Variants in FSTL4 observed in about 807,000 individuals in gnomAD.
FSTL4 encodes the protein follistatin-related protein 4.
FSTL4 carries 28 observed loss-of-function variants against 78.2 expected under a neutral mutation model. The observed-to-expected ratio is 0.36, with a 90% confidence interval of 0.27 to 0.49. The LOEUF (loss-of-function observed/expected upper bound fraction) is 0.49. FSTL4 is among the 20% of genes least tolerant of loss of function. FSTL4 has a pLI of 0.98. For missense variants in FSTL4, 922 were observed against 1,084.9 expected (o/e 0.85, Z 2.11); for synonymous variants, 422 against 440.5 (o/e 0.96, Z 0.53).
chr5:133,481,995 C>T (rs1758037708), intron 3 of FSTL4, among the ~76,000 whole-genome samples: 1 of 152,200 alleles, frequency 6.6e-6, no homozygotes, highest in African/African-American at 2.4e-5. Context: ...AGGAAGCTGC[C>T]ACCAACATGG....
intron 11 of FSTL4, 79 bp downstream of exon 11, chr5:133,224,111 C>T: frequency 8.9e-7 from 1 of 1,122,934 alleles, no homozygotes; most frequent in South Asian, 1.4e-5. Flanking sequence ...AAGCTGGTGG[C>T]AGATCATGGA....
At chr5:133,627,684 T>C in the FSTL4 span, among the ~76,000 whole-genome samples, 1 of 152,320 alleles carries the variant, frequency 6.6e-6, no homozygotes, top group East Asian at 1.9e-4. Context: ...TGTTTTTTAA[T>C]CCATTCTGAA....
the FSTL4 span, among the ~76,000 whole-genome samples, chr5:133,791,069 C>A: frequency 3.9e-5 from 6 of 152,218 alleles, no homozygotes; most frequent in Admixed American, 6.5e-5. Flanking sequence ...TCTGCTGTAG[C>A]CACACTGCCT....
intron 6 of FSTL4, among the ~76,000 whole-genome samples, chr5:133,311,902 G>T (rs75361762): frequency 6.6e-6 from 1 of 152,156 alleles, no homozygotes; most frequent in African/African-American, 2.4e-5. Context: ...AGTCTCCAGC[G>T]TGGGCCCAGC....
Position 133,535,318 on chromosome 5 carries a change from C to T in FSTL4, c.160+31868G>A, listed in dbSNP as rs140592776. Among the ~76,000 whole-genome samples, 1,349 of 152,346 alleles carry T rather than the reference C, an allele frequency of 8.9e-3. 20 individuals are homozygous for T. Among genetic ancestry groups the T allele is most frequent in the African/African-American group, 0.031 (1,303 of 41,582 alleles). On this transcript the variant is annotated intron_variant, in intron 3 of 15. Transcript: ENST00000265342. ...TAAAAAAATCTCTGCAGCAATGTAA[C>T]ATGTCCATAATGGCCATAACGCCCA...
At chr5:133,274,644 C>T (rs987784059) in intron 6 of FSTL4, among the ~76,000 whole-genome samples, 22 of 152,086 alleles carry the variant, frequency 1.4e-4, no homozygotes, top group African/African-American at 5.3e-4. Context: ...TCAGACCGCC[C>T]ACGTGACCCA....
intron 3 of FSTL4, among the ~76,000 whole-genome samples, chr5:133,461,859 G>A (rs576485237): frequency 4.6e-5 from 7 of 152,228 alleles, no homozygotes; most frequent in African/African-American, 1.7e-4. Context: ...CGAGACCTAG[G>A]ATGTTTAAAT....
At chr5:133,695,009 C>T in the FSTL4 span, among the ~76,000 whole-genome samples, 10 of 152,236 alleles carry the variant, frequency 6.6e-5, no homozygotes, top group African/African-American at 2.4e-4. Flanking sequence ...GTCCATAATG[C>T]CTTGTTTTCA....
intron 2 of FSTL4, among the ~76,000 whole-genome samples, chr5:133,593,201 C>A (rs1247422929): frequency 6.6e-6 from 1 of 152,094 alleles, no homozygotes; most frequent in African/African-American, 2.4e-5. Flanking sequence ...CCCCTTTCTT[C>A]ACCCTCTTTC....
intron 3 of FSTL4, among the ~76,000 whole-genome samples, chr5:133,555,778 G>A (rs1759774051): frequency 6.6e-6 from 1 of 152,106 alleles, no homozygotes; most frequent in Admixed American, 6.5e-5. Flanking sequence ...CTGAGCCACA[G>A]GACTCCCATT....
chr5:133,370,206 G>A (rs1755263928), intron 4 of FSTL4, among the ~76,000 whole-genome samples: 1 of 152,184 alleles, frequency 6.6e-6, no homozygotes, highest in African/African-American at 2.4e-5. Context: ...CAGGGCAGAA[G>A]AGGAACATGA....
intron 6 of FSTL4, among the ~76,000 whole-genome samples, chr5:133,281,057 G>A (rs896875873): frequency 1.5e-4 from 23 of 152,204 alleles, no homozygotes; most frequent in African/African-American, 5.3e-4. Context: ...CACATGGAAC[G>A]TGCTGGGTAA....
the FSTL4 span, among the ~76,000 whole-genome samples, chr5:133,783,458 A>G: frequency 1.3e-5 from 2 of 152,232 alleles, no homozygotes; most frequent in South Asian, 2.1e-4. Context: ...AGCCTTATCT[A>G]TCAATAAATC....
rs375750367 is a variant in FSTL4 at position 133,225,858 on chromosome 5, C to T, written c.1016-39G>A. On this transcript the variant is annotated intron_variant, in intron 8 of 15. Transcript: ENST00000265342. The surrounding 1 kb of genome is among the most constrained non-coding windows in gnomAD (Gnocchi z 4.6). The stretch of plus-strand genomic sequence containing the variant: ...TCAGTGCTGGTGAGAAAGAGACGGC[C>T]CTGACCTGGACTTGGGCCTGTGGCC... 1.4e-6 allele frequency: 2 copies of T among 1,478,032 alleles called. No individual in the cohort carries two copies. The highest frequency in any genetic ancestry group is 2.4e-5 in the East Asian group (1 of 41,992). The allele number at this position is 1,478,032 out of a possible 1,614,324, so 91.6% of individuals were successfully genotyped here.
intron 12 of FSTL4, among the ~76,000 whole-genome samples, chr5:133,217,618 T>C (rs1232260967): frequency 6.6e-6 from 1 of 152,166 alleles, no homozygotes; most frequent in Non-Finnish European, 1.5e-5. Flanking sequence ...CAGGTTCATG[T>C]TCTTCTATTC....
intron 4 of FSTL4, among the ~76,000 whole-genome samples, chr5:133,321,198 C>T (rs1754041887): frequency 6.6e-6 from 1 of 152,148 alleles, no homozygotes; most frequent in Non-Finnish European, 1.5e-5. Context: ...ACTGGGCATG[C>T]TCCTGCCCAG....
intron 6 of FSTL4, among the ~76,000 whole-genome samples, chr5:133,293,321 A>G (rs1331897755): frequency 6.6e-6 from 1 of 152,206 alleles, no homozygotes; most frequent in East Asian, 1.9e-4. Flanking sequence ...GGTCTTCTAC[A>G]GTCTCTGGAG....
Position 133,199,042 on chromosome 5 carries a change from G to A in FSTL4, c.*53C>T. 1 of 1,116,568 alleles carries A rather than the reference G, an allele frequency of 9.0e-7. No individual in the cohort carries two copies. Among genetic ancestry groups the A allele is most frequent in the Non-Finnish European group, 1.3e-6 (1 of 782,846 alleles). The allele number at this position is 1,116,568 out of a possible 1,614,324, so 69.2% of individuals were successfully genotyped here. ...ATGTACAGCGTACCTGCTTGAGGCT[G>A]CAGTGTCAGGACTAGGGGGTGTTCC... On this transcript the variant is annotated 3_prime_UTR_variant, in exon 16 of 16. Transcript: ENST00000265342. The surrounding 1 kb of genome is among the most constrained non-coding windows in gnomAD (Gnocchi z 4.4).
At chr5:133,358,235 T>A (rs1182550049) in intron 4 of FSTL4, among the ~76,000 whole-genome samples, 1 of 152,174 alleles carries the variant, frequency 6.6e-6, no homozygotes, top group African/African-American at 2.4e-5. Context: ...TAACTTCACC[T>A]GCAAAGTCCC....
Sources: allele counts gnomAD v4.1 joint callset (sites outside exome capture counted in the v4.1 genomes callset), GRCh38; gene constraint gnomAD v4.1.1; non-coding constraint Gnocchi (gnomAD v3.1); transcripts MANE v1.5; gene names NCBI Gene and HGNC (gene_info 2026-07-23, HGNC 2026-07-21).